Variants in NKAIN2 observed in about 807,000 individuals in gnomAD.
NKAIN2 encodes sodium/potassium-transporting ATPase subunit beta-1-interacting protein 2.
Under a neutral mutation model 32.6 loss-of-function variants are expected in NKAIN2, and 14 were observed. The ratio of observed to expected loss-of-function variants is 0.43; its 90% CI spans 0.28 to 0.67. The LOEUF (loss-of-function observed/expected upper bound fraction) is 0.67. Among genes scored for constraint, NKAIN2 ranks in the 30% least tolerant of loss-of-function variants. NKAIN2 has a pLI of 0.17. For missense variants in NKAIN2, 198 were observed against 258.3 expected (o/e 0.77, Z 1.60); for synonymous variants, 80 against 87.2 (o/e 0.92, Z 0.46).
chr6:124,043,031 A>G (rs966952169), intron 1 of NKAIN2, among the ~76,000 whole-genome samples: 9 of 152,014 alleles, frequency 5.9e-5, no homozygotes, highest in African/African-American at 1.7e-4. Flanking sequence ...TTAATAGAAA[A>G]TATCTGTTTT....
intron 3 of NKAIN2, among the ~76,000 whole-genome samples, chr6:124,638,687 A>G (rs1289308321): frequency 6.6e-6 from 1 of 152,080 alleles, no homozygotes; most frequent in Non-Finnish European, 1.5e-5. Flanking sequence ...CAAGGTCAGG[A>G]GATCGAGACC....
intron 3 of NKAIN2, among the ~76,000 whole-genome samples, chr6:124,417,563 C>A (rs638645): frequency 6.6e-6 from 1 of 151,916 alleles, no homozygotes; most frequent in Non-Finnish European, 1.5e-5. Context: ...ATAAAGTATT[C>A]TTTCCCTAAA....
At chr6:123,999,451 C>T (rs991176678) in intron 1 of NKAIN2, among the ~76,000 whole-genome samples, 7 of 151,982 alleles carry the variant, frequency 4.6e-5, no homozygotes, top group Non-Finnish European at 7.4e-5. Flanking sequence ...TTATTGCCAC[C>T]GTAACTGAAA....
intron 4 of NKAIN2, among the ~76,000 whole-genome samples, chr6:124,729,715 T>G (rs1157443404): frequency 2.7e-5 from 4 of 150,386 alleles, no homozygotes; most frequent in Non-Finnish European, 5.9e-5. Context: ...CCAGGGCAAT[T>G]AGGCAGGAGA....
At chr6:123,936,487 T>C (rs1255712157) in intron 1 of NKAIN2, among the ~76,000 whole-genome samples, 1 of 152,112 alleles carries the variant, frequency 6.6e-6, no homozygotes, top group African/African-American at 2.4e-5. Context: ...AAAGAAAAGA[T>C]GCCACAGGAA....
intron 3 of NKAIN2, among the ~76,000 whole-genome samples, chr6:124,513,289 CTT>C (rs955354944): frequency 2.6e-5 from 4 of 152,254 alleles, no homozygotes; most frequent in Admixed American, 1.3e-4. Context: ...AATTAGGACT[CTT>C]ATTAAAAAAG....
chr6:123,952,381 G>T (rs748593946), intron 1 of NKAIN2, among the ~76,000 whole-genome samples: 2 of 152,052 alleles, frequency 1.3e-5, no homozygotes, highest in Non-Finnish European at 2.9e-5. Flanking sequence ...AGAGAAAGTT[G>T]CATTGTATAT....
At position 124,029,512 on chromosome 6, in the gene NKAIN2, G is replaced by A. The variant is rs191139563; in HGVS notation, c.54+225258G>A. 2.0e-3 allele frequency among the ~76,000 whole-genome samples: 310 copies of A among 152,106 alleles called. 2 individuals carry two copies. The highest frequency in any genetic ancestry group is 6.7e-3 in the African/African-American group (276 of 41,490). ...TGTAAATTTGATAAAGAAAGATTTA[G>A]ATAAAATCCAGCAAACATTTATTGG... On this transcript the variant is annotated intron_variant, in intron 1 of 6. Coordinates refer to ENST00000368417, the MANE Select transcript of NKAIN2 (RefSeq NM_001040214.3).
At chr6:124,564,013 G>C (rs141743587) in intron 3 of NKAIN2, among the ~76,000 whole-genome samples, 377 of 152,240 alleles carry the variant, frequency 2.5e-3, no homozygotes, top group African/African-American at 8.2e-3. Context: ...TGGTAATTAG[G>C]AAAGATCACT....
At chr6:123,941,883 C>G (rs1258633559) in intron 1 of NKAIN2, among the ~76,000 whole-genome samples, 4 of 151,612 alleles carry the variant, frequency 2.6e-5, no homozygotes, top group African/African-American at 9.7e-5. Flanking sequence ...TTTTTTTTAC[C>G]AATCCCTTCC....
intron 3 of NKAIN2, among the ~76,000 whole-genome samples, chr6:124,641,803 C>T (rs1258645200): frequency 6.6e-6 from 1 of 151,910 alleles, no homozygotes; most frequent in Non-Finnish European, 1.5e-5. Flanking sequence ...GATCCACCTG[C>T]CTTAGCCTCC....
intron 1 of NKAIN2, among the ~76,000 whole-genome samples, chr6:124,232,455 T>G (rs1792510553): frequency 6.6e-6 from 1 of 151,988 alleles, no homozygotes. Flanking sequence ...AAATGATAAA[T>G]AGCAGAATCT....
intron 1 of NKAIN2, among the ~76,000 whole-genome samples, chr6:123,914,019 A>G (rs921922151): frequency 6.6e-6 from 1 of 152,168 alleles, no homozygotes; most frequent in South Asian, 2.1e-4. Flanking sequence ...TCTCTGTATT[A>G]GTCAGCTTGG....
At chr6:124,416,155 G>T (rs1296113145) in intron 3 of NKAIN2, among the ~76,000 whole-genome samples, 2 of 152,108 alleles carry the variant, frequency 1.3e-5, no homozygotes, top group Non-Finnish European at 2.9e-5. Context: ...AAGAGAAGAG[G>T]TGACCACCTG....
At chr6:123,872,192 A>G (rs1772924513) in intron 1 of NKAIN2, among the ~76,000 whole-genome samples, 2 of 152,222 alleles carry the variant, frequency 1.3e-5, no homozygotes, top group African/African-American at 2.4e-5. Context: ...TGAGGATTCA[A>G]GTAAAAGCAA....
chr6:124,507,840 A>C (rs1270514718), intron 3 of NKAIN2, among the ~76,000 whole-genome samples: 2 of 152,206 alleles, frequency 1.3e-5, no homozygotes, highest in Non-Finnish European at 2.9e-5. Context: ...AAATGAGAAA[A>C]AGTAAAGAAA....
rs191701117 is a variant in NKAIN2, at chr6:124,190,080, T to C, written c.55-92925T>C. Among the ~76,000 whole-genome samples, 24 of 152,002 alleles carry C rather than the reference T, an allele frequency of 1.6e-4. No homozygotes were observed. In the East Asian group the frequency reaches 2.7e-3, roughly 17 times the overall value. On this transcript the variant is annotated intron_variant, in intron 1 of 6. Transcript: ENST00000368417. The stretch of plus-strand genomic sequence containing the variant: ...ATGGCCACAAACATATGAAAGTGAA[T>C]CTTTGGTGGCCATAGTAAACAATTC...
chr6:124,411,597 C>G (rs965680677), intron 3 of NKAIN2, among the ~76,000 whole-genome samples: 1 of 152,256 alleles, frequency 6.6e-6, no homozygotes, highest in Non-Finnish European at 1.5e-5. Context: ...TGACCTTTCT[C>G]TCTGGCTGCC....
chr6:124,149,557 T>TA (rs1162951865), intron 1 of NKAIN2, among the ~76,000 whole-genome samples: 1 of 152,212 alleles, frequency 6.6e-6, no homozygotes, highest in Non-Finnish European at 1.5e-5. Context: ...CCCCATTGGA[T>TA]TATAGTATGC....
Sources: allele counts gnomAD v4.1 joint callset (sites outside exome capture counted in the v4.1 genomes callset), GRCh38; gene constraint gnomAD v4.1.1; transcripts MANE v1.5; gene names NCBI Gene and HGNC (gene_info 2026-07-23, HGNC 2026-07-21).